TMEM150C: variants seen among roughly 807,000 people sequenced by gnomAD.
The protein encoded by TMEM150C is tentonin 3.
A neutral mutation model predicts 29.9 loss-of-function variants in TMEM150C; 10 were observed. The ratio of observed to expected loss-of-function variants is 0.33; its 90% confidence interval spans 0.21 to 0.57. The LOEUF is 0.57. Ranked by LOEUF, TMEM150C falls within the 20% of genes least tolerant of loss-of-function variation. The pLI, the probability that TMEM150C is intolerant of heterozygous loss-of-function variation, is 0.88. For synonymous variants in TMEM150C, 101 were observed against 112.5 expected (o/e 0.90, Z 0.64); for missense variants, 251 against 303.6 (o/e 0.83, Z 1.29).
chr4:82,493,068 G>A (rs1452536578), intron 6 of TMEM150C, among the ~76,000 whole-genome samples: 1 of 150,914 alleles, frequency 6.6e-6, no homozygotes, highest in Admixed American at 6.6e-5. Context: ...TAAAGACATG[G>A]CTTTTAAACC....
intron 1 of TMEM150C, among the ~76,000 whole-genome samples, chr4:82,541,086 A>G (rs563224337): frequency 3.2e-4 from 48 of 152,328 alleles, no homozygotes; most frequent in African/African-American, 1.1e-3. Flanking sequence ...ATGCAGTCAC[A>G]TAATTATTAT....
At chr4:82,558,168 G>A (rs1387022204) in intron 1 of TMEM150C, among the ~76,000 whole-genome samples, 8 of 152,148 alleles carry the variant, frequency 5.3e-5, no homozygotes, top group Non-Finnish European at 1.5e-5. Flanking sequence ...AATATGGGGA[G>A]AAAATTCAGA....
chr4:82,526,187 G>C (rs1028744907), intron 1 of TMEM150C, among the ~76,000 whole-genome samples: 1 of 152,242 alleles, frequency 6.6e-6, no homozygotes, highest in African/African-American at 2.4e-5. Context: ...TCATAGGTGT[G>C]AGCCACTGCT....
intron 1 of TMEM150C, among the ~76,000 whole-genome samples, chr4:82,513,296 C>G (rs1192413679): frequency 6.6e-6 from 1 of 152,160 alleles, no homozygotes; most frequent in African/African-American, 2.4e-5. Context: ...CCCAGGCAAA[C>G]AGGGTCTGAA....
intron 6 of TMEM150C, chr4:82,490,809 T>C: frequency 5.8e-6 from 3 of 518,796 alleles, no homozygotes; most frequent in South Asian, 5.3e-5. Flanking sequence ...TACAGAAAAC[T>C]CAACAGTGTA....
intron 1 of TMEM150C, among the ~76,000 whole-genome samples, chr4:82,509,240 C>T (rs149815698): frequency 0.012 from 1,859 of 152,242 alleles, 17 homozygotes; most frequent in Middle Eastern, 0.027. Flanking sequence ...TTCTACCGCT[C>T]GCTTTGTGAC....
At chr4:82,516,342 C>T (rs1395543288) in intron 1 of TMEM150C, among the ~76,000 whole-genome samples, 2 of 152,216 alleles carry the variant, frequency 1.3e-5, no homozygotes, top group Admixed American at 1.3e-4. Flanking sequence ...TTCTTCCATG[C>T]TCCATTCTAA....
At chr4:82,547,314 C>T (rs1282223923) in intron 1 of TMEM150C, among the ~76,000 whole-genome samples, 2 of 151,696 alleles carry the variant, frequency 1.3e-5, no homozygotes, top group South Asian at 2.1e-4. Flanking sequence ...ATCAGCTGGG[C>T]GCAGTGGCTC....
At chr4:82,557,672 GTTGA>G (rs1193068792) in intron 1 of TMEM150C, among the ~76,000 whole-genome samples, 1 of 151,880 alleles carries the variant, frequency 6.6e-6, no homozygotes, top group Non-Finnish European at 1.5e-5. Flanking sequence ...TTAGAGTAGG[GTTGA>G]ACTTCAGCAC....
chr4:82,562,021 C>T (rs1052650840), upstream of TMEM150C: 4 of 1,155,776 alleles, frequency 3.5e-6, no homozygotes, highest in African/African-American at 5.0e-5. Context: ...GTGGGATCTG[C>T]TCACCCGCCC....
intron 1 of TMEM150C, among the ~76,000 whole-genome samples, chr4:82,508,140 A>T (rs1723999350): frequency 6.6e-6 from 1 of 152,174 alleles, no homozygotes; most frequent in Admixed American, 6.5e-5. Flanking sequence ...TTCTAGTCAC[A>T]TTAGAAAGTG....
chr4:82,496,277 T>A, intron 5 of TMEM150C, 82 bp from the exon 6 acceptor site: 3 of 1,357,514 alleles, frequency 2.2e-6, no homozygotes, highest in Non-Finnish European at 3.0e-6. Flanking sequence ...TATTATTATT[T>A]TTTTATGCTG....
chr4:82,518,333 GAAAGT>G (rs1421088360), intron 1 of TMEM150C, among the ~76,000 whole-genome samples: 1 of 151,656 alleles, frequency 6.6e-6, no homozygotes, highest in East Asian at 1.9e-4. Flanking sequence ...AAAAAAGAAA[GAAAGT>G]AGTGACCGGC....
intron 1 of TMEM150C, among the ~76,000 whole-genome samples, chr4:82,507,723 CTCTCTTTTTTTTTTTTTTTTTTTTTTT>C (rs1723977573): frequency 1.2e-4 from 10 of 86,054 alleles, no homozygotes. Context: ...CTCTCTCTCT[CTCTCTTTTTTTTTTTTTTTTTTTTTTT>C]TTTTTTTTTT....
At chr4:82,509,855 T>C (rs1724062746) in intron 1 of TMEM150C, 1 of 152,178 alleles carries the variant, frequency 6.6e-6, no homozygotes, top group South Asian at 2.1e-4. Flanking sequence ...TGATTATTCA[T>C]ACTTCTGTCA....
intron 1 of TMEM150C, among the ~76,000 whole-genome samples, chr4:82,535,491 C>T (rs180843151): frequency 5.9e-5 from 9 of 152,258 alleles, no homozygotes; most frequent in Admixed American, 1.3e-4. Context: ...CAAACTGTAG[C>T]AATGGTATAG....
intron 7 of TMEM150C, among the ~76,000 whole-genome samples, chr4:82,486,640 T>C (rs1464443395): frequency 6.6e-6 from 1 of 152,076 alleles, no homozygotes; most frequent in African/African-American, 2.4e-5. Context: ...ATCCCAGTGC[T>C]TTGGAATGCT....
chr4:82,527,611 A>G (rs4693454), intron 1 of TMEM150C, among the ~76,000 whole-genome samples: 39,968 of 152,016 alleles, frequency 0.26, 6,116 homozygotes, highest in African/African-American at 0.43. Context: ...AGCTTGTGGT[A>G]GGTTGCTTCC....
Position 82,492,896 on chromosome 4 carries a change from A to ATATATATATG in TMEM150C, c.364-2659_364-2658insCATATATATA, listed in dbSNP as rs1553905430. Among the ~76,000 whole-genome samples, 8 of 137,812 alleles carry ATATATATATG rather than the reference A, an allele frequency of 5.8e-5. 1 individual carries two copies. The highest frequency in any genetic ancestry group is 1.7e-4 in the African/African-American group (6 of 35,816). 90.4% of individuals were successfully genotyped at this position (137,812 alleles called of 152,430 possible). A position where few individuals can be genotyped will look rare whatever the true frequency, so the allele number is the denominator to read the frequency against. On this transcript the variant is annotated intron_variant, in intron 6 of 7. Coordinates refer to ENST00000449862, the MANE Select transcript of TMEM150C (RefSeq NM_001080506.3). ...TATATATATATATATATATATATAT[A>ATATATATATG]TATGTATTTGAGATGGGGTCTTGCT...
Sources: gnomAD v4.1 joint callset for allele counts (sites outside exome capture counted in the v4.1 genomes callset) on GRCh38, gnomAD v4.1.1 for gene constraint, MANE v1.5 for transcripts, NCBI Gene and HGNC (gene_info 2026-07-23, HGNC 2026-07-21) for gene names.